IRAK1BP1: variants seen among roughly 807,000 people sequenced by gnomAD.
IRAK1BP1 encodes the protein interleukin 1 receptor associated kinase 1 binding protein 1.
Under a neutral mutation model 28.0 loss-of-function variants are expected in IRAK1BP1, and 24 were observed. The ratio of observed to expected loss-of-function variants is 0.86; its 90% CI spans 0.62 to 1.20. The LOEUF is 1.20. Ranked by LOEUF, IRAK1BP1 falls within the 50% of genes most tolerant of loss-of-function variation. The pLI is 0.00. For synonymous variants in IRAK1BP1, 131 were observed against 116.3 expected (o/e 1.13, Z -0.81); for missense variants, 336 against 316.7 (o/e 1.06, Z -0.46).
At position 78,943,876 on chromosome 6, in the gene IRAK1BP1, C is replaced by T. The variant is rs1365123108; in HGVS notation, c.*68-1532C>T. The stretch of plus-strand genomic sequence containing the variant: ...TGGCACACACCTATAATTCCAGCTA[C>T]TTGGGAGGCTGAGGCAGAAGAATTG... On this transcript the variant is annotated intron_variant and NMD_transcript_variant, in intron 4 of 4. Coordinates refer to the IRAK1BP1 transcript ENST00000606868. 2.0e-5 allele frequency among the ~76,000 whole-genome samples: 3 copies of T among 150,102 alleles called. No homozygotes were observed. In the East Asian group the frequency reaches 5.9e-4, roughly 30 times the overall value.
chr6:78,944,165 T>C (rs897188518), intron 4 of IRAK1BP1, among the ~76,000 whole-genome samples: 12 of 151,966 alleles, frequency 7.9e-5, no homozygotes, highest in African/African-American at 2.9e-4. Context: ...CTCAGGAACT[T>C]CTAAGTGTTT....
At chr6:78,894,728 A>G (rs1771816830) in intron 2 of IRAK1BP1, among the ~76,000 whole-genome samples, 1 of 152,196 alleles carries the variant, frequency 6.6e-6, no homozygotes, top group African/African-American at 2.4e-5. Context: ...TACTTGACAT[A>G]TATAGAACAC....
At chr6:78,905,752 C>T (rs1183767923), downstream of IRAK1BP1, among the ~76,000 whole-genome samples, 6 of 152,112 alleles carry the variant, frequency 3.9e-5, no homozygotes, top group Non-Finnish European at 7.4e-5. Flanking sequence ...CAGGCACATG[C>T]TACCATGCCT....
intron 4 of IRAK1BP1, among the ~76,000 whole-genome samples, chr6:78,921,077 T>A (rs747709315): frequency 7.9e-5 from 12 of 152,106 alleles, no homozygotes; most frequent in Non-Finnish European, 1.6e-4. Flanking sequence ...ATCCAGTGGG[T>A]GCAGGACAGA....
At chr6:78,929,501 A>C (rs1168720700) in intron 4 of IRAK1BP1, among the ~76,000 whole-genome samples, 1 of 152,096 alleles carries the variant, frequency 6.6e-6, no homozygotes, top group Non-Finnish European at 1.5e-5. Context: ...TTACTCATGG[A>C]TATAAAGATG....
At chr6:78,945,310 G>C in intron 4 of IRAK1BP1, 1 of 1,607,596 alleles carries the variant, frequency 6.2e-7, no homozygotes, top group Non-Finnish European at 8.5e-7. Flanking sequence ...CTTGCTCAAT[G>C]ACAGCTGATG....
rs1232097859 is a variant in IRAK1BP1, at chr6:78,899,261, A to G, written c.*927A>G. The G allele has an allele frequency of 1.3e-5, 2 of 152,182 alleles. No individual in the cohort carries two copies. The highest frequency in any genetic ancestry group is 2.9e-5 in the Non-Finnish European group (2 of 68,052). 9.4% of individuals were successfully genotyped at this position (152,182 alleles called of 1,614,324 possible). ...ACAGCCAAGGTCTTTCATGCTTGCC[A>G]CACCCAGCAATATGTTTAGGAAGGT... is the stretch of plus-strand genomic sequence containing the variant. On this transcript the variant is annotated 3_prime_UTR_variant, in exon 4 of 4. Transcript: ENST00000369940.
At chr6:78,970,178 G>A in the IRAK1BP1 span, 4 of 1,608,396 alleles carry the variant, frequency 2.5e-6, no homozygotes, top group South Asian at 1.1e-5. Flanking sequence ...TTGTTCCTGA[G>A]AGAGACAGAG....
rs181642738 is a variant in IRAK1BP1, at chr6:78,920,090, C to T, written c.*67+16980C>T. 6.2e-4 allele frequency among the ~76,000 whole-genome samples: 94 copies of T among 152,102 alleles called. 1 individual carries two copies. The South Asian group carries it at 7.9e-3, about 13-fold the overall frequency. On this transcript the variant is annotated intron_variant and NMD_transcript_variant, in intron 4 of 4. Coordinates refer to the IRAK1BP1 transcript ENST00000606868. ...CCAACATGGTGAAACCCTGTCTCTA[C>T]TAAAAATACAAAAATTAGCTGGGTG...
intron 2 of IRAK1BP1, 41 bp from the exon 3 acceptor site, chr6:78,897,788 A>ACAT (rs1186119371): frequency 1.3e-6 from 2 of 1,580,172 alleles, no homozygotes; most frequent in Admixed American, 1.7e-5. Context: ...TTGAAACAGT[A>ACAT]CATCAGACAT....
At chr6:78,977,503 T>C in the IRAK1BP1 span, among the ~76,000 whole-genome samples, 1 of 152,130 alleles carries the variant, frequency 6.6e-6, no homozygotes, top group Admixed American at 6.6e-5. Context: ...TGTACACATG[T>C]ACCCTAAAAC....
chr6:78,941,250 T>C (rs753234218), intron 4 of IRAK1BP1: 13 of 1,613,658 alleles, frequency 8.1e-6, no homozygotes, highest in Admixed American at 1.7e-5. Context: ...CCAGGTCCCC[T>C]CTTCACAAGT....
chr6:78,966,937 TG>T, the IRAK1BP1 span, among the ~76,000 whole-genome samples: 1 of 152,234 alleles, frequency 6.6e-6, no homozygotes. Context: ...TCATTTTCCT[TG>T]TCTATAAAAT....
At chr6:78,978,922 A>G in the IRAK1BP1 span, among the ~76,000 whole-genome samples, 1 of 152,154 alleles carries the variant, frequency 6.6e-6, no homozygotes, top group Admixed American at 6.6e-5. Flanking sequence ...AAAATTCCAC[A>G]AAGTTCCAAC....
intron 4 of IRAK1BP1, among the ~76,000 whole-genome samples, chr6:78,941,589 T>C (rs1318769505): frequency 2.6e-5 from 4 of 152,154 alleles, no homozygotes; most frequent in Non-Finnish European, 4.4e-5. Context: ...TAAGTTAACA[T>C]TGTGATTGAG....
chr6:78,974,804 T>A, the IRAK1BP1 span, among the ~76,000 whole-genome samples: 1 of 150,544 alleles, frequency 6.6e-6, no homozygotes, highest in African/African-American at 2.4e-5. Flanking sequence ...ACACATACAC[T>A]CTCCCAAGAC....
chr6:78,911,764 T>G (rs1301077022), intron 4 of IRAK1BP1, among the ~76,000 whole-genome samples: 2 of 152,226 alleles, frequency 1.3e-5, no homozygotes, highest in Non-Finnish European at 2.9e-5. Context: ...ATGTTATGAA[T>G]ACTGTACTAC....
the IRAK1BP1 span, among the ~76,000 whole-genome samples, chr6:78,973,045 C>T: frequency 1.3e-5 from 2 of 152,090 alleles, no homozygotes; most frequent in Admixed American, 1.3e-4. Context: ...AGATACTCCT[C>T]GAGAAGAGCA....
intron 2 of IRAK1BP1, among the ~76,000 whole-genome samples, chr6:78,893,306 G>GTATATA (rs1355844985): frequency 1.0e-4 from 10 of 97,854 alleles, no homozygotes; most frequent in African/African-American, 2.7e-4. Context: ...GTGTGTGTGT[G>GTATATA]TGTGTGTGTA....
Sources: gnomAD v4.1 joint callset for allele counts (sites outside exome capture counted in the v4.1 genomes callset) on GRCh38, gnomAD v4.1.1 for gene constraint, MANE v1.5 for transcripts, NCBI Gene and HGNC (gene_info 2026-07-23, HGNC 2026-07-21) for gene names.